CHRM3: variants seen among roughly 807,000 people sequenced by gnomAD.
The protein encoded by CHRM3 is cholinergic receptor muscarinic 3.
CHRM3 carries 11 observed loss-of-function variants against 41.8 expected under a neutral mutation model. That is an observed-to-expected ratio of 0.26 (90% CI 0.17 to 0.44). The LOEUF is 0.44. CHRM3 is among the 20% of genes least tolerant of loss of function. CHRM3 has a pLI of 1.00. For missense variants in CHRM3, 571 were observed against 745.4 expected (o/e 0.77, Z 2.72); for synonymous variants, 297 against 301.4 (o/e 0.99, Z 0.15).
chr1:239,876,295 T>C (rs933592704), intron 6 of CHRM3, among the ~76,000 whole-genome samples: 11 of 152,226 alleles, frequency 7.2e-5, no homozygotes, highest in African/African-American at 2.7e-4. Flanking sequence ...TATTAAATTA[T>C]TGGTATGCAT....
chr1:239,532,455 C>T lies in CHRM3; in HGVS notation c.-421-13186C>T, dbSNP rs374576846. Among the ~76,000 whole-genome samples, 5 of 150,862 alleles carry T rather than the reference C, an allele frequency of 3.3e-5. No homozygotes were observed. The East Asian group carries it at 8.0e-4, about 24-fold the overall frequency. ...ATCCTGGCCAACGTGGTGAAACCCC[C>T]TCTCTACTAAAGTACAAAAATTAGC... is the stretch of plus-strand genomic sequence containing the variant. On this transcript the variant is annotated intron_variant, in intron 2 of 6. Transcript: ENST00000676153.
chr1:239,771,190 T>A (rs1432878378), intron 5 of CHRM3, among the ~76,000 whole-genome samples: 1 of 152,194 alleles, frequency 6.6e-6, no homozygotes, highest in Non-Finnish European at 1.5e-5. Context: ...CCCAAACTTT[T>A]AATCTCAGAA....
In CHRM3 at chr1:239,571,908, A is replaced by G. The variant is rs530652300; in HGVS notation, c.-313+26159A>G. On this transcript the variant is annotated intron_variant, in intron 3 of 6. Transcript: ENST00000676153. ...TCTTGATACTGGTCAGTGCTTTTGC[A>G]GTAGGACTGACTTCTTTGACTTCTT... Among the ~76,000 whole-genome samples the G allele has an allele frequency of 5.3e-5, 8 of 152,234 alleles. 1 individual carries two copies. In the South Asian group the frequency reaches 1.7e-3, roughly 32 times the overall value.
intron 2 of CHRM3, among the ~76,000 whole-genome samples, chr1:239,517,721 G>C (rs1669366077): frequency 6.6e-6 from 1 of 152,100 alleles, no homozygotes; most frequent in Non-Finnish European, 1.5e-5. Context: ...CTTTAGAAAT[G>C]AGCATTTTTT....
chr1:239,743,042 G>A lies in CHRM3; in HGVS notation c.-147+64754G>A, dbSNP rs79395275. Among the ~76,000 whole-genome samples, 876 of 152,090 alleles carry A rather than the reference G, an allele frequency of 5.8e-3. 2 individuals carry two copies. The highest frequency in any genetic ancestry group is 7.0e-3 in the African/African-American group (292 of 41,480). On this transcript the variant is annotated intron_variant, in intron 5 of 6. Transcript: ENST00000676153. ...ATAATATTTAATGAAGCAGTGACTC[G>A]GAGCCCAAAGTAAAACTACTCAGGG...
intron 6 of CHRM3, among the ~76,000 whole-genome samples, chr1:239,884,529 A>T (rs1389818084): frequency 1.3e-5 from 2 of 152,226 alleles, no homozygotes; most frequent in African/African-American, 2.4e-5. Flanking sequence ...TATGGAAAAT[A>T]CAGGAAATGA....
At chr1:239,603,385 A>G (rs531348667) in intron 3 of CHRM3, among the ~76,000 whole-genome samples, 37 of 152,294 alleles carry the variant, frequency 2.4e-4, no homozygotes, top group Non-Finnish European at 8.8e-5. Flanking sequence ...AACAGGTGCT[A>G]TCACCAATAC....
chr1:239,631,036 G>A (rs912823955), intron 3 of CHRM3, among the ~76,000 whole-genome samples: 3 of 152,248 alleles, frequency 2.0e-5, no homozygotes, highest in Middle Eastern at 3.4e-3. Flanking sequence ...ATAGCAGAGG[G>A]AGAGGGAGGC....
In CHRM3 at chr1:239,834,896, T is replaced by C. The variant is rs373316865; in HGVS notation, c.-20+7518T>C. ...TATATTTTCTTAGGAAAATGTTTTT[T>C]ACATAAATATATTGAGGCTGAAGTT... On this transcript the variant is annotated intron_variant, in intron 6 of 6. Transcript: ENST00000676153. Among the ~76,000 whole-genome samples, 8 of 152,354 alleles carry C rather than the reference T, an allele frequency of 5.3e-5. No individual in the cohort carries two copies. The East Asian group carries it at 1.2e-3, about 22-fold the overall frequency.
chr1:239,840,163 T>A (rs1178598685), intron 6 of CHRM3, among the ~76,000 whole-genome samples: 1 of 152,192 alleles, frequency 6.6e-6, no homozygotes, highest in Non-Finnish European at 1.5e-5. Context: ...TCCAGAAAGT[T>A]GTCTGTAAAT....
intron 5 of CHRM3, among the ~76,000 whole-genome samples, chr1:239,785,580 T>C (rs1668828657): frequency 6.6e-6 from 1 of 152,230 alleles, no homozygotes; most frequent in East Asian, 1.9e-4. Flanking sequence ...TCCCCACTTA[T>C]CTTTCTTACT....
intron 4 of CHRM3, among the ~76,000 whole-genome samples, chr1:239,642,721 G>A (rs1165634229): frequency 6.6e-6 from 1 of 152,056 alleles, no homozygotes; most frequent in Non-Finnish European, 1.5e-5. Flanking sequence ...ATTTCCTCCT[G>A]TAGCTCGGAG....
chr1:239,816,348 T>TTCCTTTTTTTAAATCTACGTAA (rs1319641788), intron 5 of CHRM3, among the ~76,000 whole-genome samples: 1 of 152,196 alleles, frequency 6.6e-6, no homozygotes, highest in Non-Finnish European at 1.5e-5. Flanking sequence ...CCTTTTTTTG[T>TTCCTTTTTTTAAATCTACGTAA]TCCTTTTTTT....
chr1:239,631,583 C>A (rs1669840182), intron 3 of CHRM3, among the ~76,000 whole-genome samples: 1 of 152,184 alleles, frequency 6.6e-6, no homozygotes, highest in Non-Finnish European at 1.5e-5. Context: ...CAAAGCCTGG[C>A]ACTTCTTTTT....
At chr1:239,736,207 T>C (rs1026235782) in intron 5 of CHRM3, among the ~76,000 whole-genome samples, 2 of 152,074 alleles carry the variant, frequency 1.3e-5, no homozygotes, top group African/African-American at 2.4e-5. Flanking sequence ...TGCAGGCAGA[T>C]ATGTCATTTA....
rs982547755 is a variant in CHRM3, at chr1:239,914,828, A to T, written c.*5604A>T. ...GAAAGTTATTAGGAGACAATCCTTT[A>T]TCCTGTTCTGCAAGCAATCAAACAC... On this transcript the variant is annotated 3_prime_UTR_variant, in exon 7 of 7. Transcript: ENST00000676153. 4 of 166,848 alleles carry T rather than the reference A, an allele frequency of 2.4e-5. No homozygotes were observed. Among genetic ancestry groups the T allele is most frequent in the African/African-American group, 9.7e-5 (4 of 41,450 alleles). The allele number at this position is 166,848 out of a possible 1,614,324, so 10.3% of individuals were successfully genotyped here. A position where few individuals can be genotyped will look rare whatever the true frequency, so the allele number is the denominator to read the frequency against.
chr1:239,600,981 G>A (rs1665462011), intron 3 of CHRM3, among the ~76,000 whole-genome samples: 1 of 152,128 alleles, frequency 6.6e-6, no homozygotes. Context: ...TAAACCCCTT[G>A]ATTAAAAGTA....
intron 5 of CHRM3, among the ~76,000 whole-genome samples, chr1:239,779,706 G>A (rs114982442): frequency 6.6e-6 from 1 of 152,174 alleles, no homozygotes; most frequent in Non-Finnish European, 1.5e-5. Context: ...CTGTACTCCA[G>A]ACTTGGCAAC....
intron 6 of CHRM3, among the ~76,000 whole-genome samples, chr1:239,838,441 T>A (rs1254930743): frequency 6.6e-6 from 1 of 152,202 alleles, no homozygotes; most frequent in African/African-American, 2.4e-5. Context: ...GGTGTCTTGG[T>A]GGCTGTAATT....
Sources: allele counts gnomAD v4.1 joint callset (sites outside exome capture counted in the v4.1 genomes callset), GRCh38; gene constraint gnomAD v4.1.1; transcripts MANE v1.5; gene names NCBI Gene and HGNC (gene_info 2026-07-23, HGNC 2026-07-21).